RELN: variants seen among roughly 807,000 people sequenced by gnomAD.
RELN encodes reelin.
Under a neutral mutation model 427.6 loss-of-function variants are expected in RELN, and 108 were observed. That is an observed-to-expected ratio of 0.25 (90% CI 0.22 to 0.30). RELN has a LOEUF of 0.30. Among genes scored for constraint, RELN ranks in the 10% least tolerant of loss-of-function variants. The probability of loss-of-function intolerance (pLI) is 1.00; values close to 1 mark genes in which losing one functional copy is unlikely to be tolerated. For missense variants in RELN, 3,715 were observed against 4,302.8 expected, an observed-to-expected ratio of 0.86 and a Z score of 3.82; for synonymous variants, 1,524 against 1,513.4, an observed-to-expected ratio of 1.01 and a Z score of -0.16.
At position 103,472,762 on chromosome 7, in the gene RELN, G is replaced by T. The variant is rs769049128; in HGVS notation, c.*50C>A. 1.5e-6 allele frequency: 2 copies of T among 1,355,670 alleles called. No individual in the cohort carries two copies. The highest frequency in any genetic ancestry group is 1.1e-6 in the Non-Finnish European group (1 of 945,908). 84.0% of individuals were successfully genotyped at this position (1,355,670 alleles called of 1,614,324 possible). A position where few individuals can be genotyped will look rare whatever the true frequency, so the allele number is the denominator to read the frequency against. On this transcript the variant is annotated 3_prime_UTR_variant, in exon 65 of 65. Coordinates refer to ENST00000428762, the MANE Select transcript of RELN (RefSeq NM_005045.4). The stretch of plus-strand genomic sequence containing the variant: ...ATGTAGTGCGAGATTTAAAAGAATG[G>T]AGAGCAACACATCACATGTTGGAAG...
intron 1 of RELN, among the ~76,000 whole-genome samples, chr7:103,938,971 T>A (rs1275959720): frequency 2.6e-5 from 4 of 152,102 alleles, no homozygotes; most frequent in African/African-American, 9.7e-5. Flanking sequence ...AAACAGAATT[T>A]AATTCTTGTT....
chr7:103,629,980 C>T lies in RELN; in HGVS notation c.2662G>A (p.Gly888Arg). The change falls in exon 20 of 65, where the codon GGA becomes AGA. Residue 888 changes from glycine (G) to arginine (R), a missense_variant. Gly to Arg is a moderately radical substitution (Grantham distance 125, BLOSUM62 -2). This residue lies in a region of RELN where 2,208 missense variants were observed against 2,361.7 expected (regional missense o/e 0.93). Coordinates refer to ENST00000428762, the MANE Select transcript of RELN (RefSeq NM_005045.4). Reference protein sequence around the residue: ...EVTQSLGFYLGNVQPYCGHDW... With the variant: ...EVTQSLGFYLRNVQPYCGHDW... ...TGGCCACAGTATGGCTGAACATTTC[C>T]AAGGTAGAATCCCAGAGACTGAGTG... The T allele has an allele frequency of 6.2e-7, 1 of 1,613,586 alleles. No individual in the cohort carries two copies. Among genetic ancestry groups the T allele is most frequent in the Non-Finnish European group, 8.5e-7 (1 of 1,179,674 alleles).
chr7:103,650,961 T>C (rs1226145912), intron 15 of RELN, among the ~76,000 whole-genome samples: 1 of 152,128 alleles, frequency 6.6e-6, no homozygotes, highest in Non-Finnish European at 1.5e-5. Flanking sequence ...TTAGTTTTTA[T>C]ATATTCTTTT....
chr7:103,519,502 T>C lies in RELN; in HGVS notation c.7683A>G (p.Leu2561=), dbSNP rs1318379055. Residue 2561 remains leucine, a synonymous_variant, in exon 49 of 65, where the codon TTA becomes TTG. Transcript: ENST00000428762. ...ALHFSGGCSR[L]LVTVDLNLTN... ...TGAGGTTTAGATCCACAGTGACTAA[T>C]AATCGACTACAACCCTAAGAAAAAG... is the stretch of plus-strand genomic sequence containing the variant. 1 of 1,610,252 alleles carries C rather than the reference T, an allele frequency of 6.2e-7. No homozygotes were observed. The highest frequency in any genetic ancestry group is 2.2e-5 in the East Asian group (1 of 44,874).
chr7:103,643,654 T>A (rs1832738719), intron 16 of RELN, among the ~76,000 whole-genome samples: 1 of 152,044 alleles, frequency 6.6e-6, no homozygotes, highest in Non-Finnish European at 1.5e-5. Flanking sequence ...GAAAAATGTC[T>A]AATTATCTGT....
At chr7:103,632,118 A>G (rs990795795) in intron 19 of RELN, among the ~76,000 whole-genome samples, 2 of 152,244 alleles carry the variant, frequency 1.3e-5, no homozygotes, top group African/African-American at 2.4e-5. Flanking sequence ...GAAGTGACCA[A>G]TATTTTCACG....
intron 52 of RELN, among the ~76,000 whole-genome samples, chr7:103,501,525 T>C (rs570090571): frequency 6.6e-6 from 1 of 152,336 alleles, no homozygotes; most frequent in Non-Finnish European, 1.5e-5. Flanking sequence ...ACAAGCCTCA[T>C]AATTATCCTT....
At chr7:103,558,801 G>A (rs1382806480) in intron 36 of RELN, among the ~76,000 whole-genome samples, 3 of 152,160 alleles carry the variant, frequency 2.0e-5, no homozygotes, top group African/African-American at 7.2e-5. Flanking sequence ...GTCCAGACAG[G>A]TCTTTTAGTT....
In RELN at chr7:103,739,916, T is replaced by C. The variant is rs1432652986; in HGVS notation, c.656+9510A>G. On this transcript the variant is annotated intron_variant, in intron 6 of 64. Transcript: ENST00000428762. ...ACTGGGAACAGCAGAACAGTCTCCA[T>C]GCCCTCAGGCTGGGCTCAAAACAGA... 3.3e-5 allele frequency among the ~76,000 whole-genome samples: 5 copies of C among 152,310 alleles called. 1 individual carries two copies. The East Asian group carries it at 5.8e-4, about 18-fold the overall frequency.
Position 103,472,372 on chromosome 7 carries a change from GACAA to G in RELN, c.*436_*439del, listed in dbSNP as rs1337015066. 9.1e-6 allele frequency: 2 copies of G among 218,858 alleles called. No homozygotes were observed. The highest frequency in any genetic ancestry group is 1.1e-4 in the Admixed American group (2 of 19,034). The allele number at this position is 218,858 out of a possible 1,614,324, so 13.6% of individuals were successfully genotyped here. Reference sequence around the variant, plus strand: ...GTATTGTAGAAGAGAATACATAAAGGACAAACAATGATAATTTAATCATATAAAA... The same window carrying G: ...GTATTGTAGAAGAGAATACATAAAGGACAATGATAATTTAATCATATAAAA... On this transcript the variant is annotated 3_prime_UTR_variant, in exon 65 of 65. Transcript: ENST00000428762.
In RELN at chr7:103,905,177, C is replaced by T. The variant is rs187893353; in HGVS notation, c.337+11898G>A. 2.4e-3 allele frequency among the ~76,000 whole-genome samples: 372 copies of T among 151,918 alleles called. 4 individuals carry two copies. Among genetic ancestry groups the T allele is most frequent in the Middle Eastern group, 3.4e-3 (1 of 294 alleles). ...TATATTTTTAGTAGAGACAGGGTTT[C>T]ACTGTATTGGCCAGGCTAGTCTCAA... On this transcript the variant is annotated intron_variant, in intron 2 of 64. Coordinates refer to ENST00000428762, the MANE Select transcript of RELN (RefSeq NM_005045.4).
intron 51 of RELN, among the ~76,000 whole-genome samples, chr7:103,508,075 G>A (rs1440943413): frequency 6.6e-6 from 1 of 152,176 alleles, no homozygotes; most frequent in South Asian, 2.1e-4. Context: ...CCAGGACCAG[G>A]TGGATTCACA....
intron 51 of RELN, among the ~76,000 whole-genome samples, chr7:103,509,955 G>C (rs1200587615): frequency 6.6e-6 from 1 of 152,198 alleles, no homozygotes; most frequent in African/African-American, 2.4e-5. Context: ...TCTCACACCA[G>C]TTAGAATGGC....
intron 48 of RELN, among the ~76,000 whole-genome samples, chr7:103,519,750 T>A (rs1829658376): frequency 1.3e-5 from 2 of 152,102 alleles, no homozygotes; most frequent in African/African-American, 2.4e-5. Context: ...GTCTAGCTAA[T>A]TTTTTGTAGA....
chr7:103,496,406 G>A, intron 56 of RELN, 120 bp downstream of exon 56: 3 of 1,352,560 alleles, frequency 2.2e-6, no homozygotes, highest in Non-Finnish European at 3.2e-6. Context: ...GCTAACATTT[G>A]TTGAGCAGGA....
intron 45 of RELN, among the ~76,000 whole-genome samples, chr7:103,538,563 A>T (rs989574850): frequency 6.6e-6 from 1 of 152,178 alleles, no homozygotes; most frequent in Non-Finnish European, 1.5e-5. Context: ...AAATATAGGC[A>T]AAATGGGAAC....
chr7:103,510,446 A>G (rs1438021443), intron 51 of RELN, among the ~76,000 whole-genome samples: 9 of 152,200 alleles, frequency 5.9e-5, no homozygotes, highest in African/African-American at 2.2e-4. Context: ...ATGAGAACAC[A>G]TCGCCACAGG....
At chr7:103,847,181 A>G (rs1446844231) in intron 2 of RELN, among the ~76,000 whole-genome samples, 2 of 152,202 alleles carry the variant, frequency 1.3e-5, no homozygotes, top group South Asian at 2.1e-4. Flanking sequence ...AATGCTCATC[A>G]ATGATAGACT....
chr7:103,671,787 T>A (rs905280878), intron 11 of RELN, among the ~76,000 whole-genome samples: 9 of 152,268 alleles, frequency 5.9e-5, no homozygotes, highest in African/African-American at 2.2e-4. Flanking sequence ...TAGCACTGTT[T>A]AAGATTTTAG....
Sources: allele counts gnomAD v4.1 joint callset (sites outside exome capture counted in the v4.1 genomes callset), GRCh38; gene constraint gnomAD v4.1.1; regional missense constraint gnomAD v4.1.1; transcripts MANE v1.5; gene names NCBI Gene and HGNC (gene_info 2026-07-23, HGNC 2026-07-21).